The following SH3PXD2A variants were observed in gnomAD, a reference collection of about 807,000 sequenced individuals.
The protein encoded by SH3PXD2A is SH3 and PX domain-containing protein 2A.
Under a neutral mutation model 115.2 loss-of-function variants are expected in SH3PXD2A, and 32 were observed. The ratio of observed to expected loss-of-function variants is 0.28; its 90% CI spans 0.21 to 0.37. The LOEUF is 0.37. Among genes scored for constraint, SH3PXD2A ranks in the 10% least tolerant of loss-of-function variants. The pLI, the probability that SH3PXD2A is intolerant of heterozygous loss-of-function variation, is 1.00. For synonymous variants in SH3PXD2A, 610 were observed against 629.1 expected, an observed-to-expected ratio of 0.97 and a Z score of 0.45; for missense variants, 1,328 against 1,498.7, an observed-to-expected ratio of 0.89 and a Z score of 1.88.
At chr10:103,664,066 C>T (rs906816430) in intron 7 of SH3PXD2A, among the ~76,000 whole-genome samples, 69 of 152,358 alleles carry the variant, frequency 4.5e-4, no homozygotes, top group Non-Finnish European at 1.3e-4. Flanking sequence ...GCTGCGCTGA[C>T]GGACTACCTC....
chr10:103,817,716 T>C (rs2039338551), intron 1 of SH3PXD2A, among the ~76,000 whole-genome samples: 2 of 152,246 alleles, frequency 1.3e-5, no homozygotes, highest in Non-Finnish European at 2.9e-5. Context: ...TCCTGTGTTA[T>C]GGAATATTAT....
chr10:103,692,247 GAGCC>G (rs2037761643), intron 6 of SH3PXD2A, among the ~76,000 whole-genome samples: 2 of 152,178 alleles, frequency 1.3e-5, no homozygotes, highest in Admixed American at 1.3e-4. Flanking sequence ...GCCATTTGGG[GAGCC>G]CAGCCTCCCA....
intron 1 of SH3PXD2A, among the ~76,000 whole-genome samples, chr10:103,821,371 C>T (rs1248278234): frequency 1.3e-5 from 2 of 152,100 alleles, no homozygotes; most frequent in African/African-American, 4.8e-5. Context: ...TCAAGTGATC[C>T]GTCTGCCTCA....
At chr10:103,774,281 C>A (rs913033549) in intron 2 of SH3PXD2A, among the ~76,000 whole-genome samples, 1 of 152,198 alleles carries the variant, frequency 6.6e-6, no homozygotes, top group East Asian at 1.9e-4. Context: ...CGGATTGGAT[C>A]ATTTCTAATG....
intron 3 of SH3PXD2A, among the ~76,000 whole-genome samples, chr10:103,747,685 G>T (rs755888905): frequency 2.0e-5 from 3 of 152,338 alleles, no homozygotes; most frequent in African/African-American, 2.4e-5. Context: ...AGGAAAAGCC[G>T]CAGGAAGCAG....
chr10:103,698,542 C>CT (rs1391924852), intron 5 of SH3PXD2A, among the ~76,000 whole-genome samples: 1 of 152,192 alleles, frequency 6.6e-6, no homozygotes, highest in Non-Finnish European at 1.5e-5. Context: ...CCAGCAGTCA[C>CT]TGGGGACATG....
At chr10:103,693,841 G>A (rs914215052) in intron 5 of SH3PXD2A, among the ~76,000 whole-genome samples, 1 of 152,226 alleles carries the variant, frequency 6.6e-6, no homozygotes, top group Non-Finnish European at 1.5e-5. Context: ...AGGAACGGAA[G>A]TGGAGCTTCT....
chr10:103,762,359 A>C (rs1217365663), intron 3 of SH3PXD2A, among the ~76,000 whole-genome samples: 1 of 152,174 alleles, frequency 6.6e-6, no homozygotes, highest in Non-Finnish European at 1.5e-5. Context: ...ATCCAGCCTC[A>C]TGATAGAAAC....
At chr10:103,661,754 A>C in intron 7 of SH3PXD2A, 2 of 985,178 alleles carry the variant, frequency 2.0e-6, no homozygotes, top group Non-Finnish European at 2.4e-6. Flanking sequence ...GCCGCCAATC[A>C]CTGGGGTTTA....
chr10:103,719,361 T>C (rs2038149690), intron 5 of SH3PXD2A, among the ~76,000 whole-genome samples: 1 of 152,252 alleles, frequency 6.6e-6, no homozygotes, highest in African/African-American at 2.4e-5. Context: ...GGCTTGGATC[T>C]TGGCCCTGCA....
intron 4 of SH3PXD2A, among the ~76,000 whole-genome samples, chr10:103,727,950 G>C (rs1265792317): frequency 6.6e-6 from 1 of 152,254 alleles, no homozygotes; most frequent in Non-Finnish European, 1.5e-5. Context: ...GCCTGGGCTG[G>C]TGATGATGGC....
chr10:103,723,038 A>G (rs574647589), intron 5 of SH3PXD2A, among the ~76,000 whole-genome samples: 1 of 152,324 alleles, frequency 6.6e-6, no homozygotes, highest in African/African-American at 2.4e-5. Flanking sequence ...TGTGCAGGCC[A>G]CATATTCTAC....
intron 3 of SH3PXD2A, among the ~76,000 whole-genome samples, chr10:103,764,979 A>G (rs916828935): frequency 2.0e-5 from 3 of 152,244 alleles, no homozygotes; most frequent in African/African-American, 7.2e-5. Flanking sequence ...AGTAATAATA[A>G]GGACTAACAT....
At chr10:103,843,280 T>C (rs1426498106) in intron 1 of SH3PXD2A, among the ~76,000 whole-genome samples, 2 of 152,194 alleles carry the variant, frequency 1.3e-5, no homozygotes, top group African/African-American at 4.8e-5. Context: ...TCTGCCCCTA[T>C]CCTCTTGCCC....
chr10:103,626,661 C>G (rs984066029), intron 9 of SH3PXD2A, among the ~76,000 whole-genome samples: 3 of 151,390 alleles, frequency 2.0e-5, no homozygotes, highest in African/African-American at 7.3e-5. Flanking sequence ...GTGCGGTGGC[C>G]CACACCTGTA....
At position 103,704,034 on chromosome 10, in the gene SH3PXD2A, G is replaced by A. The variant is rs528719505; in HGVS notation, c.399-10978C>T. Among the ~76,000 whole-genome samples the A allele has an allele frequency of 5.9e-5, 9 of 152,286 alleles. No individual in the cohort carries two copies. In the East Asian group the frequency reaches 1.5e-3, roughly 26 times the overall value. On this transcript the variant is annotated intron_variant, in intron 5 of 14. Coordinates refer to ENST00000369774, the MANE Select transcript of SH3PXD2A (RefSeq NM_001394015.1). ...CAAGTTAATACACATAAAGTCCCCC[G>A]TGCACAGTCAGGCTCAGTAACAGGG... is the stretch of plus-strand genomic sequence containing the variant.
chr10:103,680,661 A>G (rs559744930), intron 6 of SH3PXD2A, among the ~76,000 whole-genome samples: 4 of 152,370 alleles, frequency 2.6e-5, no homozygotes, highest in African/African-American at 9.6e-5. Flanking sequence ...CTAACAATAA[A>G]TAACAAAATA....
At chr10:103,748,271 G>A (rs1201390736) in intron 3 of SH3PXD2A, among the ~76,000 whole-genome samples, 5 of 152,226 alleles carry the variant, frequency 3.3e-5, no homozygotes, top group South Asian at 2.1e-4. Context: ...GTTGCAAAGC[G>A]AGGAAGTGGT....
rs992385864 is a variant in SH3PXD2A at position 103,666,607 on chromosome 10, C to T, written c.472+2001G>A. ...GAGTCCAAAGGTCTGAGGTCCAGTC[C>T]TGCTTTGCCCTTACTAGCTCTGAGA... On this transcript the variant is annotated intron_variant, in intron 7 of 14. Coordinates refer to ENST00000369774, the MANE Select transcript of SH3PXD2A (RefSeq NM_001394015.1). This position sits in a 1 kb window ranked among gnomAD's most constrained non-coding sequence, Gnocchi z 4.5. 1.3e-5 allele frequency among the ~76,000 whole-genome samples: 2 copies of T among 152,224 alleles called. No individual in the cohort carries two copies. The highest frequency in any genetic ancestry group is 2.9e-5 in the Non-Finnish European group (2 of 68,044).
Sources: gnomAD v4.1 joint callset for allele counts (sites outside exome capture counted in the v4.1 genomes callset) on GRCh38, gnomAD v4.1.1 for gene constraint, Gnocchi (gnomAD v3.1) non-coding constraint, MANE v1.5 for transcripts, NCBI Gene and HGNC (gene_info 2026-07-23, HGNC 2026-07-21) for gene names.